PCDH15: variants seen among roughly 807,000 people sequenced by gnomAD.
The protein encoded by PCDH15 is protocadherin-15.
A neutral mutation model predicts 178.5 loss-of-function variants in PCDH15; 129 were observed. The observed-to-expected ratio is 0.72, with a 90% CI of 0.63 to 0.84. The LOEUF is 0.84. PCDH15 is among the 40% of genes least tolerant of loss of function. PCDH15 has a pLI of 0.00. For missense variants in PCDH15, 2,230 were observed against 2,099.9 expected, an observed-to-expected ratio of 1.06 and a Z score of -1.21; for synonymous variants, 800 against 732.0, an observed-to-expected ratio of 1.09 and a Z score of -1.50.
At chr10:54,920,026 T>C (rs549334131) in intron 2 of PCDH15, among the ~76,000 whole-genome samples, 14 of 152,314 alleles carry the variant, frequency 9.2e-5, no homozygotes, top group African/African-American at 3.1e-4. Flanking sequence ...GGGACATGTA[T>C]TTATTCTTCC....
chr10:54,931,561 A>G (rs1837776567), intron 2 of PCDH15, among the ~76,000 whole-genome samples: 1 of 152,132 alleles, frequency 6.6e-6, no homozygotes, highest in Non-Finnish European at 1.5e-5. Context: ...TACAAACAAT[A>G]TCTTTTCTAT....
chr10:54,942,761 T>C (rs754202237), intron 2 of PCDH15, among the ~76,000 whole-genome samples: 5 of 152,050 alleles, frequency 3.3e-5, no homozygotes, highest in Non-Finnish European at 5.9e-5. Context: ...TGAAATTATT[T>C]TCAGTGTAGT....
intron 1 of PCDH15, among the ~76,000 whole-genome samples, chr10:55,234,507 G>A (rs1390537663): frequency 6.6e-6 from 1 of 151,628 alleles, no homozygotes; most frequent in Non-Finnish European, 1.5e-5. Flanking sequence ...ATGCTCAAGT[G>A]ATGCTCCCAC....
chr10:55,545,747 A>G (rs1841866058), intron 2 of PCDH15, among the ~76,000 whole-genome samples: 1 of 152,192 alleles, frequency 6.6e-6, no homozygotes. Flanking sequence ...TTCATCTATC[A>G]GAAGAAGTAG....
intron 3 of PCDH15, among the ~76,000 whole-genome samples, chr10:54,492,419 G>A (rs1001726942): frequency 6.6e-6 from 1 of 152,128 alleles, no homozygotes. Context: ...AATAAAATGT[G>A]GTGGATTATA....
intron 2 of PCDH15, among the ~76,000 whole-genome samples, chr10:55,474,471 A>G (rs930939147): frequency 1.3e-5 from 2 of 152,238 alleles, no homozygotes; most frequent in African/African-American, 4.8e-5. Context: ...TAAAGTTTTT[A>G]GATGAGTTTT....
intron 2 of PCDH15, among the ~76,000 whole-genome samples, chr10:55,077,439 CTTCCTTCCTTCCCTTCCTTCCTTCCT>C (rs1383582629): frequency 1.6e-4 from 23 of 145,234 alleles, no homozygotes; most frequent in African/African-American, 5.2e-4. Flanking sequence ...TCCTTCCTTT[CTTCCTTCCTTCCCTTCCTTCCTTCCT>C]TTCCTTCCTT....
intron 32 of PCDH15, chr10:53,821,981 A>G: frequency 6.2e-7 from 1 of 1,613,962 alleles, no homozygotes; most frequent in Non-Finnish European, 8.5e-7. Context: ...ACATAGTTTG[A>G]AGTTCTGAAA....
At chr10:54,133,048 C>T (rs765419714) in intron 14 of PCDH15, 41 bp from the exon 15 acceptor site, 1 of 1,613,148 alleles carries the variant, frequency 6.2e-7, no homozygotes, top group Admixed American at 1.7e-5. Flanking sequence ...TACGAATCTG[C>T]ATCACATTTA....
chr10:54,796,185 T>C (rs1330173937), intron 1 of PCDH15, among the ~76,000 whole-genome samples: 1 of 151,856 alleles, frequency 6.6e-6, no homozygotes, highest in Non-Finnish European at 1.5e-5. Context: ...TCATTCTCCA[T>C]GCTTGGATCA....
At chr10:54,698,822 T>C (rs75671409) in intron 1 of PCDH15, among the ~76,000 whole-genome samples, 3,016 of 152,204 alleles carry the variant, frequency 0.02, 90 homozygotes, top group African/African-American at 0.067. Context: ...ACTGAGCCAC[T>C]TTTTATCTTT....
chr10:55,067,534 C>A (rs531651185), intron 2 of PCDH15, among the ~76,000 whole-genome samples: 12 of 151,690 alleles, frequency 7.9e-5, no homozygotes, highest in Non-Finnish European at 1.3e-4. Context: ...AGTGGTTTGA[C>A]AAATATGTGA....
chr10:54,234,983 T>C (rs1355863383), intron 9 of PCDH15, among the ~76,000 whole-genome samples: 1 of 152,186 alleles, frequency 6.6e-6, no homozygotes, highest in East Asian at 1.9e-4. Context: ...CACTCACTTC[T>C]TTCCAGTACT....
At chr10:54,718,961 C>G (rs2095513631) in intron 1 of PCDH15, among the ~76,000 whole-genome samples, 1 of 151,862 alleles carries the variant, frequency 6.6e-6, no homozygotes, top group African/African-American at 2.4e-5. Context: ...TCCCAAAGTG[C>G]TAGGATTACA....
intron 8 of PCDH15, among the ~76,000 whole-genome samples, chr10:54,260,237 A>G (rs1038491899): frequency 4.0e-4 from 61 of 152,076 alleles, no homozygotes; most frequent in Non-Finnish European, 7.2e-4. Context: ...AAGATTTTCC[A>G]TGTGTTCTTT....
chr10:53,931,846 T>C (rs1403205069), intron 25 of PCDH15, among the ~76,000 whole-genome samples: 1 of 152,210 alleles, frequency 6.6e-6, no homozygotes, highest in Non-Finnish European at 1.5e-5. Flanking sequence ...TTAGATATGT[T>C]AATGGAAGTT....
chr10:54,490,287 A>G (rs916381359), intron 3 of PCDH15, among the ~76,000 whole-genome samples: 2 of 151,904 alleles, frequency 1.3e-5, no homozygotes, highest in African/African-American at 4.8e-5. Flanking sequence ...TGTCTCTATT[A>G]AAAACACAAA....
chr10:54,565,953 G>A (rs1015889708), intron 2 of PCDH15, among the ~76,000 whole-genome samples: 4 of 152,040 alleles, frequency 2.6e-5, no homozygotes, highest in Non-Finnish European at 5.9e-5. Context: ...GTGTGGTGAT[G>A]CATGCCTGTA....
chr10:54,826,481 T>A (rs7919351), intron 3 of PCDH15, among the ~76,000 whole-genome samples: 151,572 of 152,114 alleles, frequency 1, 75,520 homozygotes, highest in Middle Eastern at 1. Context: ...TAATTTATGG[T>A]TCTATTAAAG....
Sources: allele counts gnomAD v4.1 joint callset (sites outside exome capture counted in the v4.1 genomes callset), GRCh38; gene constraint gnomAD v4.1.1; transcripts MANE v1.5; gene names NCBI Gene and HGNC (gene_info 2026-07-23, HGNC 2026-07-21).